RPS6KA2: variants seen among roughly 807,000 people sequenced by gnomAD.
RPS6KA2 encodes the protein ribosomal protein S6 kinase A2.
In RPS6KA2, 42 loss-of-function variants were observed where a neutral mutation model predicts 91.8. The observed-to-expected ratio is 0.46, with a 90% confidence interval of 0.36 to 0.59. RPS6KA2 has a LOEUF of 0.59. RPS6KA2 is among the 20% of genes least tolerant of loss of function. RPS6KA2 has a pLI of 0.00. For missense variants in RPS6KA2, 798 were observed against 978.5 expected (o/e 0.82, Z 2.46); for synonymous variants, 414 against 393.6 (o/e 1.05, Z -0.61).
At chr6:166,660,915 AT>A (rs1376181175) in intron 2 of RPS6KA2, among the ~76,000 whole-genome samples, 1 of 152,204 alleles carries the variant, frequency 6.6e-6, no homozygotes, top group Non-Finnish European at 1.5e-5. Context: ...TTTGCTTAAA[AT>A]GCGTTCCTGC....
At chr6:166,688,025 C>A (rs555649020) in intron 2 of RPS6KA2, among the ~76,000 whole-genome samples, 2 of 151,902 alleles carry the variant, frequency 1.3e-5, no homozygotes, top group South Asian at 4.2e-4. Context: ...CATGACACAG[C>A]GGGACAGGGA....
In RPS6KA2 at chr6:166,766,161, G is replaced by A. The variant is rs575328683; in HGVS notation, c.123+92039C>T. Among the ~76,000 whole-genome samples, 3 of 152,302 alleles carry A rather than the reference G, an allele frequency of 2.0e-5. No homozygotes were observed. In the South Asian group the frequency reaches 6.2e-4, roughly 32 times the overall value. ...TAATGGATTGAATATTTCTTTTCAT[G>A]TCACTGAATAGAGGATACCTTCAAT... On this transcript the variant is annotated intron_variant, in intron 2 of 21. Coordinates refer to the RPS6KA2 transcript ENST00000503859.
chr6:166,519,445 T>C (rs1583233335), intron 3 of RPS6KA2, among the ~76,000 whole-genome samples: 1 of 152,372 alleles, frequency 6.6e-6, no homozygotes, highest in East Asian at 1.9e-4. Context: ...TCCTTCAAAT[T>C]AGCCCTCTAT....
rs1490050463 is a variant in RPS6KA2 at position 166,412,268 on chromosome 6, A to T, written c.*494T>A. On this transcript the variant is annotated 3_prime_UTR_variant, in exon 21 of 21. Transcript: ENST00000265678. This position sits in a 1 kb window ranked among gnomAD's most constrained non-coding sequence, Gnocchi z 4.3. ...TGGACGCCACAGTGCCAACCCCGTC[A>T]TCCAGCCCGTGGGGAGCCCCGGGAT... The T allele has an allele frequency of 6.5e-6, 1 of 153,220 alleles. No homozygotes were observed. Among genetic ancestry groups the T allele is most frequent in the Non-Finnish European group, 1.5e-5 (1 of 68,510 alleles). The allele number at this position is 153,220 out of a possible 1,614,324, so 9.5% of individuals were successfully genotyped here. A position where few individuals can be genotyped will look rare whatever the true frequency, so the allele number is the denominator to read the frequency against.
rs192193774 is a variant in RPS6KA2, at chr6:166,833,296, A to G, written c.123+24904T>C. Among the ~76,000 whole-genome samples the G allele has an allele frequency of 3.0e-4, 45 of 152,392 alleles. No homozygotes were observed. The East Asian group carries it at 8.5e-3, about 29-fold the overall frequency. The stretch of plus-strand genomic sequence containing the variant: ...TGAAACTGTCTACATCTACATTAAT[A>G]GAATCCAAAGCAAGTCAGTCTATAA... On this transcript the variant is annotated intron_variant, in intron 2 of 21. Coordinates refer to the RPS6KA2 transcript ENST00000503859.
chr6:166,651,142 G>A (rs1378873262), intron 2 of RPS6KA2, among the ~76,000 whole-genome samples: 1 of 152,144 alleles, frequency 6.6e-6, no homozygotes, highest in Non-Finnish European at 1.5e-5. Flanking sequence ...ATTTAGATAA[G>A]AACCCAGATT....
rs1286276422 is a variant in RPS6KA2 at position 166,557,985 on chromosome 6, T to G, written c.100-19201A>C. Among the ~76,000 whole-genome samples, 2 of 151,994 alleles carry G rather than the reference T, an allele frequency of 1.3e-5. No homozygotes were observed. The highest frequency in any genetic ancestry group is 4.8e-5 in the African/African-American group (2 of 41,376). On this transcript the variant is annotated intron_variant, in intron 1 of 20. Coordinates refer to ENST00000265678, the MANE Select transcript of RPS6KA2 (RefSeq NM_021135.6). This position sits in a 1 kb window ranked among gnomAD's most constrained non-coding sequence, Gnocchi z 4.8. ...ATGTATATACAGAGGGGTGTGTGTGTGTGTGTATATATGTATGTGTATATA... is the reference window on the plus strand; with the variant it reads ...ATGTATATACAGAGGGGTGTGTGTGGGTGTGTATATATGTATGTGTATATA...
intron 16 of RPS6KA2, among the ~76,000 whole-genome samples, 158 bp downstream of exon 16, chr6:166,430,295 C>T (rs750281347): frequency 1.3e-5 from 2 of 152,036 alleles, no homozygotes; most frequent in African/African-American, 2.4e-5. Flanking sequence ...TCCCTTGCAC[C>T]GTCACTGAGC....
intron 2 of RPS6KA2, among the ~76,000 whole-genome samples, chr6:166,828,410 T>C (rs964103150): frequency 1.7e-4 from 26 of 152,372 alleles, no homozygotes; most frequent in Admixed American, 2.6e-4. Flanking sequence ...ACAAACCACG[T>C]TGGGCTCATG....
At chr6:166,851,165 G>A (rs1240986728) in intron 2 of RPS6KA2, among the ~76,000 whole-genome samples, 1 of 152,154 alleles carries the variant, frequency 6.6e-6, no homozygotes, top group African/African-American at 2.4e-5. Flanking sequence ...GCAAGGCGTG[G>A]AAAACAGGCG....
chr6:166,737,714 G>A lies in RPS6KA2; in HGVS notation c.123+120486C>T, dbSNP rs1241210783. On this transcript the variant is annotated intron_variant, in intron 2 of 21. Transcript: ENST00000503859. The surrounding 1 kb of genome is among the most constrained non-coding windows in gnomAD (Gnocchi z 4.3). ...GGGCCATGGATCTAACTCCTGTGAT[G>A]CTATAAAGGACTCTGGTGACGGTTC... 1.3e-5 allele frequency among the ~76,000 whole-genome samples: 2 copies of A among 152,154 alleles called. No homozygotes were observed. Among genetic ancestry groups the A allele is most frequent in the Non-Finnish European group, 2.9e-5 (2 of 68,038 alleles).
chr6:166,687,292 C>A (rs754681917), intron 2 of RPS6KA2, among the ~76,000 whole-genome samples: 1 of 152,190 alleles, frequency 6.6e-6, no homozygotes. Flanking sequence ...TCATTAGACC[C>A]AAATTTCAAA....
At chr6:166,695,294 C>G (rs147120423) in intron 2 of RPS6KA2, among the ~76,000 whole-genome samples, 1 of 152,152 alleles carries the variant, frequency 6.6e-6, no homozygotes, top group Non-Finnish European at 1.5e-5. Flanking sequence ...TGAAGAATAC[C>G]CAATGGCAAA....
rs370052103 is a variant in RPS6KA2 at position 166,726,890 on chromosome 6, C to T, written c.123+131310G>A. Among the ~76,000 whole-genome samples, 1 of 152,304 alleles carries T rather than the reference C, an allele frequency of 6.6e-6. No individual in the cohort carries two copies. Among genetic ancestry groups the T allele is most frequent in the African/African-American group, 2.4e-5 (1 of 41,566 alleles). On this transcript the variant is annotated intron_variant, in intron 2 of 21. Transcript: ENST00000503859. This position sits in a 1 kb window ranked among gnomAD's most constrained non-coding sequence, Gnocchi z 4.4. ...GAGGAATCCCAGGCCTGGAATCTAC[C>T]GTCCTGGGTGCTGTCTCCTCCACCA...
At chr6:166,681,129 A>G (rs1788794353) in intron 2 of RPS6KA2, among the ~76,000 whole-genome samples, 1 of 152,256 alleles carries the variant, frequency 6.6e-6, no homozygotes, top group South Asian at 2.1e-4. Flanking sequence ...AGGCAGCGCC[A>G]GAGCACAGAT....
chr6:166,671,684 C>T (rs927005141), intron 2 of RPS6KA2, among the ~76,000 whole-genome samples: 2 of 152,158 alleles, frequency 1.3e-5, no homozygotes, highest in African/African-American at 4.8e-5. Flanking sequence ...CTGAAATCTA[C>T]ACAGCGCAGG....
rs1014812140 is a variant in RPS6KA2, at chr6:166,639,633, G to A, written c.124-100849C>T. Among the ~76,000 whole-genome samples, 2 of 152,030 alleles carry A rather than the reference G, an allele frequency of 1.3e-5. No individual in the cohort carries two copies. Among genetic ancestry groups the A allele is most frequent in the Admixed American group, 1.3e-4 (2 of 15,262 alleles). On this transcript the variant is annotated intron_variant, in intron 2 of 21. Coordinates refer to the RPS6KA2 transcript ENST00000503859. This position sits in a 1 kb window ranked among gnomAD's most constrained non-coding sequence, Gnocchi z 4.2. Reference sequence around the variant, plus strand: ...CCTCCAGGGTGCAGTCTCTGCTCCTGCCCCGCTGACTTACTCCTAAGAAGA... The same window carrying A: ...CCTCCAGGGTGCAGTCTCTGCTCCTACCCCGCTGACTTACTCCTAAGAAGA...
intron 2 of RPS6KA2, among the ~76,000 whole-genome samples, chr6:166,699,396 A>C (rs1266207084): frequency 6.6e-6 from 1 of 152,238 alleles, no homozygotes; most frequent in African/African-American, 2.4e-5. Flanking sequence ...TACAAAAAAA[A>C]CTTGCTTTCT....
At chr6:166,667,204 A>G (rs1201627058) in intron 2 of RPS6KA2, among the ~76,000 whole-genome samples, 1 of 152,224 alleles carries the variant, frequency 6.6e-6, no homozygotes, top group African/African-American at 2.4e-5. Context: ...AGTGTACCCA[A>G]TACCACTGAA....
Sources: gnomAD v4.1 joint callset for allele counts (sites outside exome capture counted in the v4.1 genomes callset) on GRCh38, gnomAD v4.1.1 for gene constraint, Gnocchi (gnomAD v3.1) non-coding constraint, MANE v1.5 for transcripts, NCBI Gene and HGNC (gene_info 2026-07-23, HGNC 2026-07-21) for gene names.